SDK1: variants seen among roughly 807,000 people sequenced by gnomAD.
The protein encoded by SDK1 is protein sidekick-1.
A neutral mutation model predicts 245.5 loss-of-function variants in SDK1; 157 were observed. That is an observed-to-expected ratio of 0.64 (90% CI 0.56 to 0.73). The LOEUF (loss-of-function observed/expected upper bound fraction) is 0.73. Ranked by LOEUF, SDK1 falls within the 30% of genes least tolerant of loss-of-function variation. The pLI, the probability that SDK1 is intolerant of heterozygous loss-of-function variation, is 0.00. For synonymous variants in SDK1, 1,647 were observed against 1,278.5 expected (o/e 1.29, Z -6.15); for missense variants, 3,583 against 3,002.3 (o/e 1.19, Z -4.52).
intron 5 of SDK1, among the ~76,000 whole-genome samples, chr7:3,905,570 T>A (rs1221030115): frequency 6.6e-6 from 1 of 152,222 alleles, no homozygotes; most frequent in Non-Finnish European, 1.5e-5. Context: ...AGTTATTTTC[T>A]CCTGTTTAAG....
intron 20 of SDK1, among the ~76,000 whole-genome samples, chr7:4,074,900 ATATATATATATATATATTTT>A (rs1562770581): frequency 5.0e-5 from 3 of 59,510 alleles, no homozygotes; most frequent in African/African-American, 2.9e-4. Flanking sequence ...ATATATATAT[ATATATATATATATATATTTT>A]TTTTTTTTTT....
chr7:4,155,740 G>A (rs1410946447), intron 30 of SDK1, among the ~76,000 whole-genome samples: 1 of 152,130 alleles, frequency 6.6e-6, no homozygotes, highest in Non-Finnish European at 1.5e-5. Context: ...TCGCAGATGG[G>A]GAATAGCATC....
At chr7:3,890,188 C>A (rs1417857205) in intron 5 of SDK1, among the ~76,000 whole-genome samples, 1 of 152,212 alleles carries the variant, frequency 6.6e-6, no homozygotes, top group African/African-American at 2.4e-5. Context: ...AGATACAGTG[C>A]TCTTTTCACC....
At chr7:3,840,395 A>C (rs1310550582) in intron 5 of SDK1, among the ~76,000 whole-genome samples, 1 of 152,176 alleles carries the variant, frequency 6.6e-6, no homozygotes, top group African/African-American at 2.4e-5. Context: ...CATGAAAATC[A>C]CCTGGGCTGG....
At chr7:3,384,815 C>G (rs1433792088) in intron 1 of SDK1, among the ~76,000 whole-genome samples, 3 of 152,184 alleles carry the variant, frequency 2.0e-5, no homozygotes, top group Non-Finnish European at 2.9e-5. Flanking sequence ...CATAGGTACA[C>G]ACATATATGT....
chr7:4,172,914 G>A (rs1188325266), intron 32 of SDK1, among the ~76,000 whole-genome samples: 1 of 152,166 alleles, frequency 6.6e-6, no homozygotes, highest in African/African-American at 2.4e-5. Flanking sequence ...CCCTAATCCA[G>A]TATGACCTTG....
intron 35 of SDK1, among the ~76,000 whole-genome samples, chr7:4,193,372 T>TTATATATATATATATATATA (rs10536828): frequency 9.7e-4 from 100 of 103,052 alleles, no homozygotes; most frequent in African/African-American, 2.2e-3. Context: ...ATTAAAATAT[T>TTATATATATATATATATATA]TATATATATA....
intron 28 of SDK1, among the ~76,000 whole-genome samples, chr7:4,133,738 G>A (rs540268341): frequency 5.3e-4 from 81 of 152,284 alleles, no homozygotes; most frequent in Middle Eastern, 6.8e-3. Flanking sequence ...AGACCTGGAC[G>A]TTTTAAACTG....
chr7:4,186,289 AGCC>A, intron 35 of SDK1, among the ~76,000 whole-genome samples: 1 of 152,248 alleles, frequency 6.6e-6, no homozygotes, highest in Non-Finnish European at 1.5e-5. Flanking sequence ...CATGGCCGCC[AGCC>A]CAGCTCCCAG....
chr7:3,365,761 G>C (rs966725662), intron 1 of SDK1, among the ~76,000 whole-genome samples: 4 of 152,114 alleles, frequency 2.6e-5, no homozygotes, highest in African/African-American at 9.7e-5. Context: ...GGCTGGGCGT[G>C]GTGGCTCATG....
intron 1 of SDK1, among the ~76,000 whole-genome samples, chr7:3,454,894 T>C (rs796713843): frequency 1.3e-5 from 2 of 152,334 alleles, no homozygotes; most frequent in South Asian, 2.1e-4. Context: ...TTCAGTATTA[T>C]AAGAAACTGC....
chr7:3,309,352 T>C (rs537694544), intron 1 of SDK1, among the ~76,000 whole-genome samples: 1 of 151,074 alleles, frequency 6.6e-6, no homozygotes, highest in Non-Finnish European at 1.5e-5. Context: ...GGATATAATC[T>C]GTGGTTTCCA....
chr7:3,364,493 C>A (rs932399989), intron 1 of SDK1, among the ~76,000 whole-genome samples: 3 of 152,098 alleles, frequency 2.0e-5, no homozygotes, highest in Non-Finnish European at 4.4e-5. Context: ...TGCTTTTAAA[C>A]CCATGGATAT....
intron 1 of SDK1, among the ~76,000 whole-genome samples, chr7:3,462,879 A>G (rs1248455889): frequency 6.6e-6 from 1 of 152,138 alleles, no homozygotes; most frequent in South Asian, 2.1e-4. Context: ...AACAGAAGTG[A>G]TATCATGTTA....
intron 1 of SDK1, among the ~76,000 whole-genome samples, chr7:3,320,505 G>T (rs941820255): frequency 5.9e-5 from 9 of 152,116 alleles, no homozygotes; most frequent in Non-Finnish European, 1.2e-4. Context: ...TCCCACCTTG[G>T]TTGGTATATG....
chr7:4,268,982 C>G lies in SDK1; in HGVS notation c.*3598C>G. 3.6e-6 allele frequency: 1 copy of G among 279,726 alleles called. No individual in the cohort carries two copies. The highest frequency in any genetic ancestry group is 2.2e-5 in the African/African-American group (1 of 45,244). 17.3% of individuals were successfully genotyped at this position (279,726 alleles called of 1,614,324 possible). Reference sequence around the variant, plus strand: ...CTATGGGTACAATTTTTAATAAAAACATTATTTTGTTCCTTAAACGCTTGT... The same window carrying G: ...CTATGGGTACAATTTTTAATAAAAAGATTATTTTGTTCCTTAAACGCTTGT... On this transcript the variant is annotated 3_prime_UTR_variant, in exon 45 of 45. Coordinates refer to ENST00000404826, the MANE Select transcript of SDK1 (RefSeq NM_152744.4).
chr7:3,407,662 C>T (rs140242599), intron 1 of SDK1, among the ~76,000 whole-genome samples: 1 of 152,246 alleles, frequency 6.6e-6, no homozygotes, highest in South Asian at 2.1e-4. Flanking sequence ...ATTATAAACT[C>T]CCAAGCTGGA....
At chr7:3,508,911 G>C (rs553614228) in intron 1 of SDK1, among the ~76,000 whole-genome samples, 62 of 152,204 alleles carry the variant, frequency 4.1e-4, no homozygotes, top group Non-Finnish European at 8.2e-4. Context: ...ATTTTATTCA[G>C]TGCAGGATTT....
chr7:3,652,850 A>G (rs1033194963), intron 4 of SDK1, among the ~76,000 whole-genome samples: 1 of 152,172 alleles, frequency 6.6e-6, no homozygotes, highest in African/African-American at 2.4e-5. Context: ...GGCTGTCTGC[A>G]AGGGAGTGAT....
Sources: gnomAD v4.1 joint callset for allele counts (sites outside exome capture counted in the v4.1 genomes callset) on GRCh38, gnomAD v4.1.1 for gene constraint, MANE v1.5 for transcripts, NCBI Gene and HGNC (gene_info 2026-07-23, HGNC 2026-07-21) for gene names.